Variants in RBFOX1 observed in about 807,000 individuals in gnomAD.
The protein encoded by RBFOX1 is RNA binding protein fox-1 homolog 1.
RBFOX1 carries 8 observed loss-of-function variants against 57.7 expected under a neutral mutation model. That is an observed-to-expected ratio of 0.14 (90% confidence interval 0.08 to 0.25). The LOEUF is 0.25. RBFOX1 is among the 10% of genes least tolerant of loss of function. RBFOX1 has a pLI of 1.00. For missense variants in RBFOX1, 611 were observed against 548.5 expected, an observed-to-expected ratio of 1.11 and a Z score of -1.14; for synonymous variants, 326 against 222.4, an observed-to-expected ratio of 1.47 and a Z score of -4.15.
In RBFOX1 at chr16:6,371,983, A is replaced by G. The variant is rs1024977357; in HGVS notation, c.-64+54926A>G. Among the ~76,000 whole-genome samples the G allele has an allele frequency of 5.9e-5, 9 of 152,216 alleles. 1 individual carries two copies. The highest frequency in any genetic ancestry group is 1.2e-4 in the Non-Finnish European group (8 of 68,042). ...CTTTGTATCCCCATTGCCTAGGAAG[A>G]TGTCTGGTACAGATTAGGTACTAAT... On this transcript the variant is annotated intron_variant, in intron 2 of 15. Coordinates refer to ENST00000550418, the MANE Select transcript of RBFOX1 (RefSeq NM_018723.4).
chr16:5,612,914 C>G (rs574023766), intron 3 of RBFOX1, among the ~76,000 whole-genome samples: 2 of 152,284 alleles, frequency 1.3e-5, no homozygotes, highest in East Asian at 3.9e-4. Flanking sequence ...AGGCTCATGT[C>G]CCACAAAACA....
At position 7,131,974 on chromosome 16, in the gene RBFOX1, A is replaced by C. The variant is rs372052851; in HGVS notation, c.27+79876A>C. Among the ~76,000 whole-genome samples, 59 of 149,212 alleles carry C rather than the reference A, an allele frequency of 4.0e-4. No homozygotes were observed. In the East Asian group the frequency reaches 4.2e-3, roughly 11 times the overall value. On this transcript the variant is annotated intron_variant, in intron 4 of 15. Transcript: ENST00000550418. ...ACCTGGAGAACTTTAAAAAACATTG[A>C]TGACTAGAGTCCTTTTTTTCTTTCT...
At chr16:6,295,638 C>T (rs964915429) in intron 1 of RBFOX1, among the ~76,000 whole-genome samples, 2 of 152,198 alleles carry the variant, frequency 1.3e-5, no homozygotes, top group African/African-American at 2.4e-5. Context: ...TGTTTATGAG[C>T]GGTCTCATTT....
At chr16:6,675,755 G>A (rs2057526425) in intron 3 of RBFOX1, among the ~76,000 whole-genome samples, 1 of 152,134 alleles carries the variant, frequency 6.6e-6, no homozygotes, top group Non-Finnish European at 1.5e-5. Flanking sequence ...ATCAGATCTT[G>A]TGAGATTTAC....
intron 1 of RBFOX1, among the ~76,000 whole-genome samples, chr16:5,312,078 T>C (rs2064106424): frequency 6.6e-6 from 1 of 152,200 alleles, no homozygotes; most frequent in Non-Finnish European, 1.5e-5. Flanking sequence ...TGAAACCCCA[T>C]ATGTATTATG....
intron 4 of RBFOX1, among the ~76,000 whole-genome samples, chr16:7,171,142 T>C (rs892359801): frequency 6.6e-6 from 1 of 152,218 alleles, no homozygotes; most frequent in African/African-American, 2.4e-5. Context: ...CTCAAGGCCT[T>C]ACTTGCCACC....
intron 5 of RBFOX1, among the ~76,000 whole-genome samples, chr16:7,538,441 A>G (rs956049203): frequency 4.6e-5 from 7 of 152,038 alleles, no homozygotes; most frequent in Non-Finnish European, 7.4e-5. Flanking sequence ...TTCTATTACT[A>G]TTATAGTGTT....
At chr16:5,487,194 G>T (rs1183370435) in intron 2 of RBFOX1, among the ~76,000 whole-genome samples, 1 of 152,180 alleles carries the variant, frequency 6.6e-6, no homozygotes, top group Non-Finnish European at 1.5e-5. Flanking sequence ...CCCATTATAG[G>T]TGTCACTACA....
intron 4 of RBFOX1, among the ~76,000 whole-genome samples, chr16:7,334,238 C>A (rs1568262479): frequency 6.6e-6 from 1 of 152,110 alleles, no homozygotes; most frequent in Non-Finnish European, 1.5e-5. Context: ...GGATTTATGG[C>A]CGTTCCTCTG....
At chr16:5,993,587 C>A (rs890031799) in intron 4 of RBFOX1, among the ~76,000 whole-genome samples, 17 of 152,122 alleles carry the variant, frequency 1.1e-4, no homozygotes, top group African/African-American at 3.6e-4. Context: ...TTCTATTTGA[C>A]TTCTCTGATG....
At chr16:7,146,520 G>A (rs62017088) in intron 4 of RBFOX1, among the ~76,000 whole-genome samples, 8,642 of 152,232 alleles carry the variant, frequency 0.057, 412 homozygotes, top group Non-Finnish European at 0.083. Flanking sequence ...GGATGCATAG[G>A]CCATCAGAGT....
At chr16:7,062,854 C>A (rs1157906660) in intron 4 of RBFOX1, among the ~76,000 whole-genome samples, 1 of 146,010 alleles carries the variant, frequency 6.8e-6, no homozygotes, top group Non-Finnish European at 1.5e-5. Context: ...ATCCATCTAT[C>A]CGTCCCTTAA....
chr16:6,529,575 A>G (rs1164704487), intron 2 of RBFOX1, among the ~76,000 whole-genome samples: 2 of 91,428 alleles, frequency 2.2e-5, no homozygotes, highest in Non-Finnish European at 5.0e-5. Context: ...AATAATTATT[A>G]TTAATAATAT....
At chr16:5,512,797 A>G (rs937746875) in intron 2 of RBFOX1, among the ~76,000 whole-genome samples, 2 of 152,196 alleles carry the variant, frequency 1.3e-5, no homozygotes, top group Admixed American at 6.5e-5. Context: ...TCCACACTTT[A>G]TTAGGATTCC....
intron 4 of RBFOX1, among the ~76,000 whole-genome samples, chr16:7,398,338 G>C (rs1339820037): frequency 6.6e-6 from 1 of 152,200 alleles, no homozygotes; most frequent in East Asian, 1.9e-4. Flanking sequence ...TCATCTGTAA[G>C]ATGGGGACAG....
chr16:5,607,191 G>A (rs77515849), intron 3 of RBFOX1, among the ~76,000 whole-genome samples: 3,942 of 152,256 alleles, frequency 0.026, 108 homozygotes, highest in African/African-American at 0.069. Flanking sequence ...CTTCTACAGC[G>A]TCTGCTCGGC....
rs113596616 is a variant in RBFOX1 at position 6,613,096 on chromosome 16, T to G, written c.-63-41507T>G. The stretch of plus-strand genomic sequence containing the variant: ...AGGATAAATACTGTGGTACAGGAAC[T>G]GTCAGGCCTGATTAATACTTTTGCA... On this transcript the variant is annotated intron_variant, in intron 2 of 15. Coordinates refer to ENST00000550418, the MANE Select transcript of RBFOX1 (RefSeq NM_018723.4). Among the ~76,000 whole-genome samples the G allele has an allele frequency of 6.7e-4, 102 of 151,658 alleles. 3 individuals are homozygous for G. Among genetic ancestry groups the G allele is most frequent in the Non-Finnish European group, 1.6e-4 (11 of 67,984 alleles).
chr16:6,883,023 C>G (rs545443338), intron 3 of RBFOX1, among the ~76,000 whole-genome samples: 3 of 152,292 alleles, frequency 2.0e-5, no homozygotes, highest in South Asian at 4.1e-4. Context: ...TGCAGATATT[C>G]TAGATAACCC....
intron 2 of RBFOX1, among the ~76,000 whole-genome samples, chr16:5,522,036 T>A (rs1567188703): frequency 6.6e-6 from 1 of 152,188 alleles, no homozygotes; most frequent in Non-Finnish European, 1.5e-5. Flanking sequence ...CACCCGGGAT[T>A]CGACTGGGGT....
Sources: gnomAD v4.1 joint callset for allele counts (sites outside exome capture counted in the v4.1 genomes callset) on GRCh38, gnomAD v4.1.1 for gene constraint, MANE v1.5 for transcripts, NCBI Gene and HGNC (gene_info 2026-07-23, HGNC 2026-07-21) for gene names.